Variants in ZNF443 observed in about 807,000 individuals in gnomAD.
ZNF443 encodes zinc finger protein 443.
In ZNF443, 3 loss-of-function variants were observed where a neutral mutation model predicts 12.0. That is an observed-to-expected ratio of 0.25 (90% CI 0.11 to 0.64). The LOEUF is 0.64. ZNF443 is among the 30% of genes least tolerant of loss of function. The probability of loss-of-function intolerance (pLI) is 0.84; values close to 1 mark genes in which losing one functional copy is unlikely to be tolerated. For missense variants in ZNF443, 770 were observed against 808.8 expected (o/e 0.95, Z 0.58); for synonymous variants, 225 against 265.9 (o/e 0.85, Z 1.50).
chr19:12,430,738 T>C lies in ZNF443; in HGVS notation c.1434A>G (p.Lys478=). The C allele has an allele frequency of 6.2e-7, 1 of 1,612,940 alleles. No individual in the cohort carries two copies. Among genetic ancestry groups the C allele is most frequent in the Non-Finnish European group, 8.5e-7 (1 of 1,179,130 alleles). Residue 478 remains lysine (K), a synonymous_variant, in exon 4 of 4, where the codon AAA becomes AAG. Transcript: ENST00000301547. The stretch of plus-strand genomic sequence containing the variant: ...CAATACAGGCTTTCCCAAGTTTGCA[T>C]TTATAGGGTTTCTCTCCAGTATGAG... ...ETTHTGEKPY[K]CKLGKACIDF...
intron 1 of ZNF443, among the ~76,000 whole-genome samples, chr19:12,440,575 T>C (rs1970354811): frequency 6.6e-6 from 1 of 151,980 alleles, no homozygotes; most frequent in East Asian, 1.9e-4. Flanking sequence ...GTTAAACCGT[T>C]TCTGCTGCAG....
Position 12,431,002 on chromosome 19 carries a change from C to T in ZNF443, c.1170G>A (p.Glu390=), listed in dbSNP as rs757355220. Residue 390 remains glutamate, a synonymous_variant, in exon 4 of 4, where the codon GAG becomes GAA. Coordinates refer to ENST00000301547, the MANE Select transcript of ZNF443 (RefSeq NM_005815.5). ...LQSHERTHTG[E]KPYECKQCGK... ...CACACTGCTTGCATTCATAGGGTTT[C>T]TCTCCAGTGTGAGTTCTTTCATGAC... 6.2e-7 allele frequency: 1 copy of T among 1,613,892 alleles called. No individual in the cohort carries two copies.
intron 1 of ZNF443, among the ~76,000 whole-genome samples, chr19:12,437,567 A>G (rs2862177): frequency 0.026 from 3,981 of 152,254 alleles, 71 homozygotes; most frequent in Middle Eastern, 0.041. Flanking sequence ...AAACAATTAT[A>G]TATGTACACA....
intron 1 of ZNF443, among the ~76,000 whole-genome samples, chr19:12,440,340 G>T (rs1377208449): frequency 6.6e-6 from 1 of 152,200 alleles, no homozygotes; most frequent in Non-Finnish European, 1.5e-5. Context: ...TGCTGCTCAA[G>T]AGTCGCCGGA....
chr19:12,431,975 C>T lies in ZNF443; in HGVS notation c.197G>A (p.Arg66His), dbSNP rs775956372. 60 of 1,550,970 alleles carry T rather than the reference C, an allele frequency of 3.9e-5. No individual in the cohort carries two copies. Among genetic ancestry groups the T allele is most frequent in the South Asian group, 9.8e-5 (8 of 81,494 alleles). The part of the protein sequence containing the change: ...YRYPRKNLRC[R>H]MLERFVESKD... ...ACTTTCAACAAATCTCTCTAACATA[C>T]GACATCTGTAAAAAATGGGAAATAT... The change falls in exon 4 of 4, where the codon CGT becomes CAT. Residue 66 changes from arginine to histidine, a missense_variant. Physicochemically the swap from Arg to His is conservative, Grantham distance 29. Around this residue, in one of 3 missense-constraint regions of ZNF443, gnomAD observed 736 missense variants for 689.4 expected, o/e 1.07. Coordinates refer to ENST00000301547, the MANE Select transcript of ZNF443 (RefSeq NM_005815.5).
At chr19:12,440,793 GA>G (rs2144962315) in intron 1 of ZNF443, 118 bp downstream of exon 1, 1 of 1,551,350 alleles carries the variant, frequency 6.4e-7, no homozygotes, top group Admixed American at 1.7e-5. Flanking sequence ...ACGCCAGGGG[GA>G]CCCGGGTCCG....
chr19:12,434,097 TC>T (rs1489881727), intron 1 of ZNF443, among the ~76,000 whole-genome samples: 2 of 152,184 alleles, frequency 1.3e-5, no homozygotes, highest in East Asian at 1.9e-4. Flanking sequence ...ACCCTGGACT[TC>T]CCGGCCTCCA....
chr19:12,433,757 A>G lies in ZNF443; in HGVS notation c.4-560T>C, dbSNP rs7255784. Among the ~76,000 whole-genome samples, 1,278 of 152,032 alleles carry G rather than the reference A, an allele frequency of 8.4e-3. 14 individuals are homozygous for G. Among genetic ancestry groups the G allele is most frequent in the African/African-American group, 0.029 (1,218 of 41,480 alleles). The stretch of plus-strand genomic sequence containing the variant: ...GAATTTTGTTACATACTCAGCAGAC[A>G]GAGTGCACTGATCAGCCACTGCTAG... On this transcript the variant is annotated intron_variant, in intron 1 of 3. Coordinates refer to ENST00000301547, the MANE Select transcript of ZNF443 (RefSeq NM_005815.5).
chr19:12,437,814 T>C (rs533477355), intron 1 of ZNF443, among the ~76,000 whole-genome samples: 6 of 133,486 alleles, frequency 4.5e-5, no homozygotes, highest in African/African-American at 1.8e-4. Flanking sequence ...CATATGGGGA[T>C]GGGCATGATG....
chr19:12,436,161 TAC>T (rs1970306138), intron 1 of ZNF443, among the ~76,000 whole-genome samples: 1 of 134,950 alleles, frequency 7.4e-6, no homozygotes, highest in Non-Finnish European at 1.6e-5. Context: ...AGAATATAGA[TAC>T]AGAGATAAAA....
chr19:12,440,977 C>G lies in ZNF443; in HGVS notation c.-63G>C. ...CTCCCGCTGCCAATGCGTGTTCCAG[C>G]CAGACAAAGGCTGCCTCAGAACTTC... is the stretch of plus-strand genomic sequence containing the variant. On this transcript the variant is annotated 5_prime_UTR_variant, in exon 1 of 4. Transcript: ENST00000301547. 6.2e-7 allele frequency: 1 copy of G among 1,613,196 alleles called. No homozygotes were observed. Among genetic ancestry groups the G allele is most frequent in the Non-Finnish European group, 8.5e-7 (1 of 1,179,454 alleles).
rs1738398359 is a variant in ZNF443 at position 12,431,928 on chromosome 19, C to G, written c.244G>C (p.Glu82Gln). 1 of 1,606,288 alleles carries G rather than the reference C, an allele frequency of 6.2e-7. No individual in the cohort carries two copies. The highest frequency in any genetic ancestry group is 1.1e-5 in the South Asian group (1 of 89,808). The change falls in exon 4 of 4, where the codon GAA (glutamate) becomes CAA (glutamine). Residue 82 changes from glutamate to glutamine, a missense_variant. Physicochemically the swap from Glu to Gln is conservative, Grantham distance 29. Transcript: ENST00000301547. ...CTATCTTGAATCTGGCTAGATGTTTCTCCACATTGAGTTCCATCTTTACTT... is the reference window on the plus strand; with the variant it reads ...CTATCTTGAATCTGGCTAGATGTTTGTCCACATTGAGTTCCATCTTTACTT... ...VESKDGTQCG[E>Q]TSSQIQDSIV...
At chr19:12,437,153 G>A (rs1327427815) in intron 1 of ZNF443, among the ~76,000 whole-genome samples, 1 of 152,052 alleles carries the variant, frequency 6.6e-6, no homozygotes, top group Non-Finnish European at 1.5e-5. Flanking sequence ...ACTTTGAGAT[G>A]CAAGACAGGA....
Position 12,431,687 on chromosome 19 carries a change from A to G in ZNF443, c.485T>C (p.Leu162Pro). 6.2e-7 allele frequency: 1 copy of G among 1,614,156 alleles called. No homozygotes were observed. The highest frequency in any genetic ancestry group is 8.5e-7 in the Non-Finnish European group (1 of 1,180,012). The change falls in exon 4 of 4, where the codon CTT becomes CCT. Residue 162 changes from leucine to proline, a missense_variant. Coordinates refer to ENST00000301547, the MANE Select transcript of ZNF443 (RefSeq NM_005815.5). ...YHNSFQTHER[L>P]HTGKKPYDCK... ...ATCATATGGTTTCTTTCCAGTGTGA[A>G]GCCTCTCATGTGTTTGAAATGAGTT... is the stretch of plus-strand genomic sequence containing the variant.
chr19:12,431,149 T>C lies in ZNF443; in HGVS notation c.1023A>G (p.Gln341=), dbSNP rs1181222378. Residue 341 remains glutamine (Q), a synonymous_variant, in exon 4 of 4, where the codon CAA becomes CAG. Transcript: ENST00000301547. ...HSAEKPYACQ[Q]CGKAFHHLGS... ...CCAGATGATGAAACGCTTTCCCACA[T>C]TGCTGACATGCATAGGGTTTCTCTG... 4.3e-6 allele frequency: 7 copies of C among 1,613,902 alleles called. No homozygotes were observed. Among genetic ancestry groups the C allele is most frequent in the African/African-American group, 2.7e-5 (2 of 74,906 alleles).
intron 3 of ZNF443, 117 bp downstream of exon 3, chr19:12,432,260 T>C: frequency 4.2e-6 from 4 of 942,518 alleles, no homozygotes; most frequent in East Asian, 2.6e-5. Context: ...GAGAAAATTT[T>C]CTAAGAATAA....
rs1383006127 is a variant in ZNF443, at chr19:12,430,026, C to G, written c.*130G>C. On this transcript the variant is annotated 3_prime_UTR_variant, in exon 4 of 4. Coordinates refer to ENST00000301547, the MANE Select transcript of ZNF443 (RefSeq NM_005815.5). ...AAGGGATGACTGTACTGGAAAGAAACTGAAACTACTTAAGGCTTTACCAAG... is the reference window on the plus strand; with the variant it reads ...AAGGGATGACTGTACTGGAAAGAAAGTGAAACTACTTAAGGCTTTACCAAG... The G allele has an allele frequency of 6.5e-7, 1 of 1,540,546 alleles. No individual in the cohort carries two copies. Among genetic ancestry groups the G allele is most frequent in the Non-Finnish European group, 8.8e-7 (1 of 1,140,644 alleles).
At chr19:12,434,767 TTTTA>T (rs746848123) in intron 1 of ZNF443, among the ~76,000 whole-genome samples, 20 of 152,000 alleles carry the variant, frequency 1.3e-4, no homozygotes, top group Middle Eastern at 3.4e-3. Flanking sequence ...CTCGTAGAGT[TTTTA>T]TTTGTCCTTG....
rs769643370 is a variant in ZNF443 at position 12,431,683 on chromosome 19, G to T, written c.489C>A (p.His163Gln). 1 of 1,614,160 alleles carries T rather than the reference G, an allele frequency of 6.2e-7. No individual in the cohort carries two copies. The highest frequency in any genetic ancestry group is 2.2e-5 in the East Asian group (1 of 44,882). Residue 163 changes from histidine (H) to glutamine (Q), a missense_variant, in exon 4 of 4, where the codon CAC becomes CAA. This residue lies in a region of ZNF443 where 736 missense variants were observed against 689.4 expected (regional missense o/e 1.07). Coordinates refer to ENST00000301547, the MANE Select transcript of ZNF443 (RefSeq NM_005815.5). Reference sequence around the variant, plus strand: ...TACAATCATATGGTTTCTTTCCAGTGTGAAGCCTCTCATGTGTTTGAAATG... The same window carrying T: ...TACAATCATATGGTTTCTTTCCAGTTTGAAGCCTCTCATGTGTTTGAAATG... Reference protein sequence around the residue: ...HNSFQTHERLHTGKKPYDCKE... With the variant: ...HNSFQTHERLQTGKKPYDCKE...
Sources: gnomAD v4.1 joint callset for allele counts (sites outside exome capture counted in the v4.1 genomes callset) on GRCh38, gnomAD v4.1.1 for gene constraint, gnomAD v4.1.1 regional missense constraint, MANE v1.5 for transcripts, NCBI Gene and HGNC (gene_info 2026-07-23, HGNC 2026-07-21) for gene names.